The following PREX1 variants were observed in gnomAD, a reference collection of about 807,000 sequenced individuals.
PREX1 encodes phosphatidylinositol-3,4,5-trisphosphate dependent Rac exchange factor 1, also known as phosphatidylinositol 3,4,5-trisphosphate-dependent Rac exchanger 1 protein.
A neutral mutation model predicts 198.3 loss-of-function variants in PREX1; 41 were observed. The ratio of observed to expected loss-of-function variants is 0.21; its 90% CI spans 0.16 to 0.27. The LOEUF is 0.27. PREX1 is among the 10% of genes least tolerant of loss of function. The pLI, the probability that PREX1 is intolerant of heterozygous loss-of-function variation, is 1.00. For synonymous variants in PREX1, 843 were observed against 887.2 expected (o/e 0.95, Z 0.89); for missense variants, 1,620 against 2,200.7 (o/e 0.74, Z 5.28).
the PREX1 span, among the ~76,000 whole-genome samples, chr20:48,863,188 A>G: frequency 2.0e-5 from 3 of 152,156 alleles, no homozygotes; most frequent in Non-Finnish European, 4.4e-5. Context: ...AAGTACAGAG[A>G]GTTCCCTTAT....
chr20:48,872,667 A>G, the PREX1 span, among the ~76,000 whole-genome samples: 1 of 152,160 alleles, frequency 6.6e-6, no homozygotes, highest in South Asian at 2.1e-4. Flanking sequence ...AATCACTTGA[A>G]TCTGGGAGGC....
chr20:48,773,223 C>A (rs528227741), intron 1 of PREX1, among the ~76,000 whole-genome samples: 1 of 140,238 alleles, frequency 7.1e-6, no homozygotes, highest in African/African-American at 2.7e-5. Flanking sequence ...GCCGAGATCA[C>A]GCCACTGCAC....
At chr20:48,673,191 T>C (rs1466679520) in intron 14 of PREX1, among the ~76,000 whole-genome samples, 2 of 152,218 alleles carry the variant, frequency 1.3e-5, no homozygotes, top group Admixed American at 1.3e-4. Context: ...CCCCTGCCCA[T>C]CCGCTGGAAA....
At chr20:48,728,967 G>A (rs147175530) in intron 4 of PREX1, among the ~76,000 whole-genome samples, 54 of 152,282 alleles carry the variant, frequency 3.5e-4, no homozygotes, top group Non-Finnish European at 5.3e-4. Context: ...TAGATGAGGC[G>A]TCAACCTCAT....
At chr20:48,689,980 T>C (rs1347385675) in intron 9 of PREX1, among the ~76,000 whole-genome samples, 1 of 152,054 alleles carries the variant, frequency 6.6e-6, no homozygotes, top group Non-Finnish European at 1.5e-5. Flanking sequence ...TCTATTGAAT[T>C]TGGGGAGCAG....
At chr20:48,828,643 C>T (rs2090524809), upstream of PREX1, among the ~76,000 whole-genome samples, 1 of 152,240 alleles carries the variant, frequency 6.6e-6, no homozygotes, top group Admixed American at 6.5e-5. Flanking sequence ...GGCGCGCGCT[C>T]GCTCTCACTT....
At chr20:48,736,382 T>C (rs1270158259) in intron 3 of PREX1, among the ~76,000 whole-genome samples, 1 of 152,140 alleles carries the variant, frequency 6.6e-6, no homozygotes, top group Non-Finnish European at 1.5e-5. Flanking sequence ...GCAAACTACA[T>C]GCTCCAAACA....
chr20:48,741,012 AT>A lies in PREX1; in HGVS notation c.414+4012del, dbSNP rs568732282. On this transcript the variant is annotated intron_variant, in intron 3 of 39. Transcript: ENST00000371941. ...CACTGAAGTTTTGTTAAGTGAATCA[AT>A]TTTTTTTTTTTTTGAGACGGAGTCT... Among the ~76,000 whole-genome samples, 650 of 146,842 alleles carry A rather than the reference AT, an allele frequency of 4.4e-3. 3 individuals are homozygous for A. Among genetic ancestry groups the A allele is most frequent in the African/African-American group, 0.013 (517 of 40,316 alleles).
In PREX1 at chr20:48,797,762, C is replaced by T. The variant is rs1016044186; in HGVS notation, c.219+29880G>A. On this transcript the variant is annotated intron_variant, in intron 1 of 39. Coordinates refer to ENST00000371941, the MANE Select transcript of PREX1 (RefSeq NM_020820.4). ...CAGGCCTGCAATGGCAGCTCTGTCCCGACTTTCCCGGCCAGCGGCACATCC... is the reference window on the plus strand; with the variant it reads ...CAGGCCTGCAATGGCAGCTCTGTCCTGACTTTCCCGGCCAGCGGCACATCC... Among the ~76,000 whole-genome samples the T allele has an allele frequency of 3.3e-5, 5 of 152,208 alleles. No homozygotes were observed. The East Asian group carries it at 7.7e-4, about 24-fold the overall frequency.
chr20:48,792,427 G>A (rs1025661943), intron 1 of PREX1, among the ~76,000 whole-genome samples: 9 of 152,002 alleles, frequency 5.9e-5, no homozygotes, highest in African/African-American at 1.9e-4. Flanking sequence ...CCAAGATCGC[G>A]CCACTGCACT....
chr20:48,631,815 G>A (rs1170228316), intron 35 of PREX1, among the ~76,000 whole-genome samples: 1 of 152,058 alleles, frequency 6.6e-6, no homozygotes, highest in Non-Finnish European at 1.5e-5. Context: ...GTTCCTCCTG[G>A]TGATACCTGG....
Position 48,649,854 on chromosome 20 carries a change from T to G in PREX1, c.3028+142A>C, listed in dbSNP as rs113988533. ...GGCATAAAGCCACATCTAGAGATGC[T>G]GTCCCATAAAGAGAGAAGGTCATCC... On this transcript the variant is annotated intron_variant, in intron 24 of 39. Coordinates refer to ENST00000371941, the MANE Select transcript of PREX1 (RefSeq NM_020820.4). The G allele has an allele frequency of 3.1e-5, 32 of 1,030,106 alleles. No homozygotes were observed. The African/African-American group carries it at 3.2e-4, about 10-fold the overall frequency. 63.8% of individuals were successfully genotyped at this position (1,030,106 alleles called of 1,614,324 possible).
At chr20:48,830,442 G>A (rs1308972773), upstream of PREX1, among the ~76,000 whole-genome samples, 1 of 152,230 alleles carries the variant, frequency 6.6e-6, no homozygotes, top group African/African-American at 2.4e-5. Context: ...AACCACTGAT[G>A]TAAAGTACCT....
chr20:48,790,977 G>A (rs2090336277), intron 1 of PREX1, among the ~76,000 whole-genome samples: 1 of 152,156 alleles, frequency 6.6e-6, no homozygotes, highest in Non-Finnish European at 1.5e-5. Context: ...TGGCTGCTCA[G>A]GTGACTGCTA....
At chr20:48,812,763 G>C (rs1260227577) in intron 1 of PREX1, among the ~76,000 whole-genome samples, 1 of 152,156 alleles carries the variant, frequency 6.6e-6, no homozygotes, top group Non-Finnish European at 1.5e-5. Context: ...CAGGCAGTCA[G>C]GATTTGAACT....
At chr20:48,757,541 T>TTGCC (rs1190581193) in intron 1 of PREX1, among the ~76,000 whole-genome samples, 1 of 152,210 alleles carries the variant, frequency 6.6e-6, no homozygotes, top group Non-Finnish European at 1.5e-5. Flanking sequence ...CGCACCTCAG[T>TTGCC]TGCCTCATCT....
rs1467962943 is a variant in PREX1, at chr20:48,827,500, T to G, written c.219+142A>C. 1 of 547,064 alleles carries G rather than the reference T, an allele frequency of 1.8e-6. No individual in the cohort carries two copies. Among genetic ancestry groups the G allele is most frequent in the Non-Finnish European group, 2.7e-6 (1 of 368,790 alleles). The allele number at this position is 547,064 out of a possible 1,614,324, so 33.9% of individuals were successfully genotyped here. On this transcript the variant is annotated intron_variant, in intron 1 of 39. Transcript: ENST00000371941. This position sits in a 1 kb window ranked among gnomAD's most constrained non-coding sequence, Gnocchi z 4.1. ...CGCGACAGCTCTGGAGGAGCTCGGA[T>G]CCCCCCCGCTTTCCGCGCGCCCTGC...
chr20:48,886,383 T>G, the PREX1 span, among the ~76,000 whole-genome samples: 1 of 152,176 alleles, frequency 6.6e-6, no homozygotes, highest in African/African-American at 2.4e-5. Flanking sequence ...AGTGGGCCAC[T>G]TGCACAGCCA....
intron 1 of PREX1, among the ~76,000 whole-genome samples, chr20:48,763,363 G>A (rs2090192679): frequency 6.6e-6 from 1 of 152,206 alleles, no homozygotes; most frequent in Non-Finnish European, 1.5e-5. Context: ...CCTGCTTTGG[G>A]TGGCATTTCC....
Sources: allele counts gnomAD v4.1 joint callset (sites outside exome capture counted in the v4.1 genomes callset), GRCh38; gene constraint gnomAD v4.1.1; non-coding constraint Gnocchi (gnomAD v3.1); transcripts MANE v1.5; gene names NCBI Gene and HGNC (gene_info 2026-07-23, HGNC 2026-07-21).